SOCS7: variants seen among roughly 807,000 people sequenced by gnomAD.
The protein encoded by SOCS7 is suppressor of cytokine signaling 7, also known as NAP-4.
A neutral mutation model predicts 58.9 loss-of-function variants in SOCS7; 18 were observed. The ratio of observed to expected loss-of-function variants is 0.31; its 90% CI spans 0.21 to 0.45. The LOEUF (loss-of-function observed/expected upper bound fraction) is 0.45, where lower values mean the gene tolerates loss of function less well. SOCS7 is among the 20% of genes least tolerant of loss of function. The pLI, the probability that SOCS7 is intolerant of heterozygous loss-of-function variation, is 1.00. For missense variants in SOCS7, 667 were observed against 837.3 expected (o/e 0.80, Z 2.51); for synonymous variants, 388 against 364.3 (o/e 1.06, Z -0.74).
chr17:38,395,702 G>A, intron 8 of SOCS7, 146 bp from the exon 9 acceptor site: 1 of 915,604 alleles, frequency 1.1e-6, no homozygotes, highest in Non-Finnish European at 1.7e-6. Context: ...TAAGAGTAAG[G>A]AAGACAGAAC....
chr17:38,364,355 G>A (rs756178465), intron 2 of SOCS7, among the ~76,000 whole-genome samples: 5 of 152,132 alleles, frequency 3.3e-5, no homozygotes, highest in African/African-American at 1.2e-4. Flanking sequence ...ATGTCTGTTT[G>A]GGCATATAAC....
intron 6 of SOCS7, among the ~76,000 whole-genome samples, chr17:38,371,221 C>T (rs1271305459): frequency 6.6e-6 from 1 of 152,066 alleles, no homozygotes; most frequent in East Asian, 1.9e-4. Context: ...TAAAGCGATT[C>T]TCCTGCCTCA....
At chr17:38,360,404 G>A (rs1381605967) in intron 1 of SOCS7, among the ~76,000 whole-genome samples, 1 of 151,796 alleles carries the variant, frequency 6.6e-6, no homozygotes, top group African/African-American at 2.4e-5. Flanking sequence ...TGTTTGCCAG[G>A]CTGGTCTCGG....
chr17:38,385,442 TTTC>T (rs111305196), intron 7 of SOCS7, among the ~76,000 whole-genome samples: 25,450 of 149,810 alleles, frequency 0.17, 3,013 homozygotes, highest in African/African-American at 0.34. Context: ...ATTTCTTTTC[TTTC>T]TTTTTTTTTT....
rs1006699319 is a variant in SOCS7 at position 38,401,393 on chromosome 17, T to C, written c.*1911T>C. On this transcript the variant is annotated 3_prime_UTR_variant, in exon 10 of 10. Coordinates refer to ENST00000612932, the MANE Select transcript of SOCS7 (RefSeq NM_014598.4). ...TCTTGCAGGAAGTGCCACCCCAATATAGAGCCTGAAGTTGGAATCTGTTGA... is the reference window on the plus strand; with the variant it reads ...TCTTGCAGGAAGTGCCACCCCAATACAGAGCCTGAAGTTGGAATCTGTTGA... 6.6e-6 allele frequency: 1 copy of C among 152,140 alleles called. No individual in the cohort carries two copies. Among genetic ancestry groups the C allele is most frequent in the African/African-American group, 2.4e-5 (1 of 41,438 alleles). 9.4% of individuals were successfully genotyped at this position (152,140 alleles called of 1,614,324 possible).
intron 9 of SOCS7, among the ~76,000 whole-genome samples, chr17:38,397,169 T>G (rs1183724893): frequency 6.6e-6 from 1 of 152,206 alleles, no homozygotes; most frequent in African/African-American, 2.4e-5. Flanking sequence ...GAAATGTGAT[T>G]AACCCAGAGC....
chr17:38,356,333 G>A (rs1315021248), intron 1 of SOCS7, among the ~76,000 whole-genome samples: 3 of 151,522 alleles, frequency 2.0e-5, no homozygotes, highest in Non-Finnish European at 4.4e-5. Flanking sequence ...AGTAAGCTAT[G>A]ATGTGCCACT....
At chr17:38,396,976 A>G (rs1465135433) in intron 9 of SOCS7, among the ~76,000 whole-genome samples, 1 of 152,202 alleles carries the variant, frequency 6.6e-6, no homozygotes, top group African/African-American at 2.4e-5. Flanking sequence ...TGAGAGGTAG[A>G]GCACTAGGGA....
chr17:38,352,147 C>G lies in SOCS7; in HGVS notation c.95C>G (p.Pro32Arg). ...SRLLGYGEAA[P>R]EPGPPPPPPG... ...CTCCTTGGCTATGGAGAGGCGGCCC[C>G]CGAGCCAGGCCCTCCGCCACCGCCC... Residue 32 changes from proline (P) to arginine (R), a missense_variant, in exon 1 of 10, where the codon CCC becomes CGC. Physicochemically the swap from Pro to Arg is moderately radical, Grantham distance 103. Coordinates refer to ENST00000612932, the MANE Select transcript of SOCS7 (RefSeq NM_014598.4). This position sits in a 1 kb window ranked among gnomAD's most constrained non-coding sequence, Gnocchi z 5.5. The G allele has an allele frequency of 3.4e-6, 4 of 1,172,210 alleles. No homozygotes were observed. The highest frequency in any genetic ancestry group is 4.3e-6 in the Non-Finnish European group (4 of 934,446). 72.6% of individuals were successfully genotyped at this position (1,172,210 alleles called of 1,614,324 possible).
At chr17:38,381,961 A>C (rs867461755) in intron 7 of SOCS7, among the ~76,000 whole-genome samples, 7 of 149,750 alleles carry the variant, frequency 4.7e-5, no homozygotes, top group South Asian at 4.2e-4. Context: ...AAAAAAAAAA[A>C]AAAAAAAAAA....
chr17:38,395,574 T>G, intron 8 of SOCS7, 130 bp downstream of exon 8: 1 of 1,031,196 alleles, frequency 9.7e-7, no homozygotes, highest in South Asian at 1.5e-5. Context: ...ATGTCATTCT[T>G]ACACATTTCC....
intron 1 of SOCS7, among the ~76,000 whole-genome samples, chr17:38,358,238 CT>C (rs1271517869): frequency 8.5e-5 from 13 of 152,226 alleles, no homozygotes; most frequent in Middle Eastern, 3.4e-3. Context: ...CACCCTAATG[CT>C]TTTTGAGGTG....
chr17:38,357,530 G>C (rs1448261893), intron 1 of SOCS7, among the ~76,000 whole-genome samples: 2 of 152,186 alleles, frequency 1.3e-5, no homozygotes, highest in Non-Finnish European at 2.9e-5. Flanking sequence ...CTTTTCCCTG[G>C]AAGTTCCCTC....
At chr17:38,379,245 G>A (rs1370732201) in intron 7 of SOCS7, among the ~76,000 whole-genome samples, 9 of 151,796 alleles carry the variant, frequency 5.9e-5, no homozygotes, top group Non-Finnish European at 1.3e-4. Flanking sequence ...TTGGGAGGCT[G>A]AGGCGGGCAG....
intron 7 of SOCS7, among the ~76,000 whole-genome samples, chr17:38,383,799 C>T (rs1425159316): frequency 6.6e-6 from 1 of 152,174 alleles, no homozygotes; most frequent in East Asian, 1.9e-4. Flanking sequence ...CCGCCTCGGC[C>T]TCCCAAAGTG....
intron 6 of SOCS7, among the ~76,000 whole-genome samples, chr17:38,374,115 G>T (rs940828810): frequency 2.0e-5 from 3 of 152,240 alleles, no homozygotes; most frequent in African/African-American, 4.8e-5. Flanking sequence ...AGCTACTTGG[G>T]AGGCTGAGGG....
chr17:38,390,479 G>A (rs1211266913), intron 7 of SOCS7, among the ~76,000 whole-genome samples: 1 of 152,082 alleles, frequency 6.6e-6, no homozygotes, highest in Non-Finnish European at 1.5e-5. Flanking sequence ...CCCCATGTTG[G>A]CAAGAGTGTG....
rs921650829 is a variant in SOCS7 at position 38,361,578 on chromosome 17, T to G, written c.981-133T>G. The G allele has an allele frequency of 5.3e-6, 4 of 760,242 alleles. No homozygotes were observed. The African/African-American group carries it at 6.8e-5, about 13-fold the overall frequency. 47.1% of individuals were successfully genotyped at this position (760,242 alleles called of 1,614,324 possible). On this transcript the variant is annotated intron_variant, in intron 1 of 9. Transcript: ENST00000612932. Reference sequence around the variant, plus strand: ...TCTCCCCCTTTATTTTATGCTGTATTACAAGAGTGTTGCTGACAACGACTA... The same window carrying G: ...TCTCCCCCTTTATTTTATGCTGTATGACAAGAGTGTTGCTGACAACGACTA...
chr17:38,389,295 C>T (rs2038119811), intron 7 of SOCS7, among the ~76,000 whole-genome samples: 1 of 152,150 alleles, frequency 6.6e-6, no homozygotes, highest in South Asian at 2.1e-4. Context: ...GGGTATGGTG[C>T]CTATAAGCCC....
Sources: gnomAD v4.1 joint callset for allele counts (sites outside exome capture counted in the v4.1 genomes callset) on GRCh38, gnomAD v4.1.1 for gene constraint, Gnocchi (gnomAD v3.1) non-coding constraint, MANE v1.5 for transcripts, NCBI Gene and HGNC (gene_info 2026-07-23, HGNC 2026-07-21) for gene names.